ATRNL1: variants seen among roughly 807,000 people sequenced by gnomAD.
ATRNL1 encodes the protein attractin like 1.
A neutral mutation model predicts 182.7 loss-of-function variants in ATRNL1; 95 were observed. That is an observed-to-expected ratio of 0.52 (90% CI 0.44 to 0.62). ATRNL1 has a LOEUF of 0.62. Among genes scored for constraint, ATRNL1 ranks in the 20% least tolerant of loss-of-function variants. ATRNL1 has a pLI of 0.00. For synonymous variants in ATRNL1, 576 were observed against 568.3 expected, an observed-to-expected ratio of 1.01 and a Z score of -0.19; for missense variants, 1,471 against 1,679.5, an observed-to-expected ratio of 0.88 and a Z score of 2.17.
chr10:115,744,073 C>A (rs1383218465), intron 27 of ATRNL1, among the ~76,000 whole-genome samples: 2 of 151,976 alleles, frequency 1.3e-5, no homozygotes, highest in Non-Finnish European at 2.9e-5. Flanking sequence ...TTAGAAGAAG[C>A]ATTCTTTCAA....
intron 19 of ATRNL1, among the ~76,000 whole-genome samples, chr10:115,334,922 A>T (rs1272368775): frequency 6.6e-6 from 1 of 152,172 alleles, no homozygotes; most frequent in Non-Finnish European, 1.5e-5. Context: ...ACCTTGGTTC[A>T]TTAACCTCTC....
intron 26 of ATRNL1, among the ~76,000 whole-genome samples, chr10:115,664,395 A>G (rs1273242058): frequency 1.3e-5 from 2 of 152,192 alleles, no homozygotes; most frequent in Non-Finnish European, 2.9e-5. Context: ...GAGCAATAAT[A>G]GTTTATAAGG....
intron 26 of ATRNL1, among the ~76,000 whole-genome samples, chr10:115,702,340 T>C (rs1327403996): frequency 6.6e-6 from 1 of 152,024 alleles, no homozygotes. Flanking sequence ...CTGGAAGCTT[T>C]TCCCTTGATA....
At chr10:115,536,537 G>A (rs1852020371) in intron 25 of ATRNL1, among the ~76,000 whole-genome samples, 1 of 152,220 alleles carries the variant, frequency 6.6e-6, no homozygotes. Flanking sequence ...GACTAGGTAA[G>A]GGAATTTCCT....
chr10:115,439,732 T>A (rs951233577), intron 21 of ATRNL1, among the ~76,000 whole-genome samples: 14 of 151,912 alleles, frequency 9.2e-5, no homozygotes, highest in South Asian at 4.2e-4. Context: ...AGTATTCTTA[T>A]GAAAGGGAAG....
chr10:115,396,377 A>G (rs1844289794), intron 20 of ATRNL1, among the ~76,000 whole-genome samples: 1 of 152,000 alleles, frequency 6.6e-6, no homozygotes, highest in Non-Finnish European at 1.5e-5. Flanking sequence ...CTTCATGGGC[A>G]CGTGGCCTGT....
At chr10:115,651,374 C>T (rs370768455) in intron 26 of ATRNL1, among the ~76,000 whole-genome samples, 3 of 151,912 alleles carry the variant, frequency 2.0e-5, no homozygotes, top group African/African-American at 4.8e-5. Flanking sequence ...AAATAAAAGT[C>T]GAAATTATTT....
chr10:115,407,964 T>C (rs11197204), intron 20 of ATRNL1, among the ~76,000 whole-genome samples: 45,948 of 149,222 alleles, frequency 0.31, 8,313 homozygotes, highest in Middle Eastern at 0.44. Flanking sequence ...TGATATCTCT[T>C]TGTGGTTTTG....
chr10:115,499,472 G>A (rs1340995571), intron 24 of ATRNL1, among the ~76,000 whole-genome samples: 2 of 152,200 alleles, frequency 1.3e-5, no homozygotes, highest in East Asian at 1.9e-4. Context: ...ATTTGCCAAG[G>A]TTGAGGACAT....
chr10:115,616,473 T>C (rs989885023), intron 26 of ATRNL1, among the ~76,000 whole-genome samples: 1 of 152,036 alleles, frequency 6.6e-6, no homozygotes, highest in Non-Finnish European at 1.5e-5. Flanking sequence ...ACTGCAGAAA[T>C]TTGCAGAAGT....
intron 24 of ATRNL1, among the ~76,000 whole-genome samples, chr10:115,514,504 G>A (rs1850545585): frequency 6.6e-6 from 1 of 151,742 alleles, no homozygotes; most frequent in Non-Finnish European, 1.5e-5. Flanking sequence ...GATGTTTCAT[G>A]TGTGCCTATG....
chr10:115,212,636 G>A (rs114165270), intron 8 of ATRNL1, among the ~76,000 whole-genome samples: 2,012 of 152,038 alleles, frequency 0.013, 39 homozygotes, highest in African/African-American at 0.046. Flanking sequence ...AGAAAATGTC[G>A]TACATATACA....
chr10:115,721,107 T>C (rs1442206014), intron 26 of ATRNL1, among the ~76,000 whole-genome samples: 2 of 152,164 alleles, frequency 1.3e-5, no homozygotes, highest in Non-Finnish European at 2.9e-5. Flanking sequence ...AGGTCTGTGA[T>C]CTGCAGTTTG....
intron 20 of ATRNL1, among the ~76,000 whole-genome samples, chr10:115,424,325 G>T (rs549005915): frequency 1.3e-5 from 2 of 152,162 alleles, no homozygotes; most frequent in Admixed American, 6.5e-5. Flanking sequence ...TCTATCCACC[G>T]TTGGTGGAAA....
intron 28 of ATRNL1, among the ~76,000 whole-genome samples, chr10:115,929,505 A>G (rs1008860444): frequency 9.2e-5 from 14 of 152,130 alleles, no homozygotes; most frequent in African/African-American, 3.4e-4. Flanking sequence ...TTATCTACCT[A>G]CAAACCAGAG....
At chr10:115,202,126 A>T (rs546352002) in intron 8 of ATRNL1, among the ~76,000 whole-genome samples, 3,070 of 151,998 alleles carry the variant, frequency 0.02, 104 homozygotes, top group African/African-American at 0.069. Flanking sequence ...TTAAGGAGAT[A>T]TTGGGCTGAG....
At chr10:115,804,078 A>T (rs556216921) in intron 27 of ATRNL1, among the ~76,000 whole-genome samples, 2 of 152,312 alleles carry the variant, frequency 1.3e-5, no homozygotes, top group East Asian at 3.9e-4. Flanking sequence ...AACTGTTATC[A>T]TTACTTCAGA....
chr10:115,574,185 T>C (rs1854572058), intron 26 of ATRNL1, among the ~76,000 whole-genome samples: 1 of 151,220 alleles, frequency 6.6e-6, no homozygotes, highest in Admixed American at 6.6e-5. Flanking sequence ...GTATATATAA[T>C]ACATATATAT....
chr10:115,589,944 A>G (rs1565193555), intron 26 of ATRNL1, among the ~76,000 whole-genome samples: 1 of 152,194 alleles, frequency 6.6e-6, no homozygotes. Flanking sequence ...GTAAAACCGA[A>G]TTCTATCTGA....
Sources: gnomAD v4.1 joint callset for allele counts (sites outside exome capture counted in the v4.1 genomes callset) on GRCh38, gnomAD v4.1.1 for gene constraint, MANE v1.5 for transcripts, NCBI Gene and HGNC (gene_info 2026-07-23, HGNC 2026-07-21) for gene names.